TMPRSS15: variants seen among roughly 807,000 people sequenced by gnomAD.
TMPRSS15 encodes transmembrane serine protease 15, also known as enteropeptidase.
Under a neutral mutation model 125.3 loss-of-function variants are expected in TMPRSS15, and 128 were observed. The observed-to-expected ratio is 1.02, with a 90% CI of 0.89 to 1.18. The LOEUF (loss-of-function observed/expected upper bound fraction) is 1.18. Among genes scored for constraint, TMPRSS15 ranks in the 50% most tolerant of loss-of-function variants. The pLI is 0.00. For synonymous variants in TMPRSS15, 446 were observed against 423.2 expected (o/e 1.05, Z -0.66); for missense variants, 1,283 against 1,212.7 (o/e 1.06, Z -0.86).
chr21:18,465,073 G>A (rs2122955177), intron 1 of TMPRSS15, among the ~76,000 whole-genome samples: 49 of 152,104 alleles, frequency 3.2e-4, no homozygotes, highest in African/African-American at 9.2e-4. Flanking sequence ...TGATCAATTC[G>A]GCTTCATCCC....
chr21:18,343,815 T>C, intron 11 of TMPRSS15, 140 bp downstream of exon 11: 1 of 1,142,244 alleles, frequency 8.8e-7, no homozygotes, highest in Non-Finnish European at 1.3e-6. Flanking sequence ...CAATGTTTTA[T>C]TGCTTATCAG....
intron 10 of TMPRSS15, among the ~76,000 whole-genome samples, chr21:18,351,959 G>C (rs1233397896): frequency 6.6e-5 from 10 of 152,176 alleles, no homozygotes; most frequent in Non-Finnish European, 7.4e-5. Context: ...TAGAACCATA[G>C]CTGGTTAGAG....
At chr21:18,325,978 G>A (rs1480276668) in intron 16 of TMPRSS15, among the ~76,000 whole-genome samples, 1 of 151,886 alleles carries the variant, frequency 6.6e-6, no homozygotes, top group Non-Finnish European at 1.5e-5. Context: ...CTACACTGTG[G>A]TGCTTTACTC....
intron 1 of TMPRSS15, among the ~76,000 whole-genome samples, chr21:18,433,101 T>C (rs1217263839): frequency 6.6e-6 from 1 of 152,154 alleles, no homozygotes; most frequent in African/African-American, 2.4e-5. Flanking sequence ...ATGTTAATAC[T>C]AACTAGCAGC....
At chr21:18,466,446 A>G (rs570562744) in intron 1 of TMPRSS15, among the ~76,000 whole-genome samples, 2 of 138,816 alleles carry the variant, frequency 1.4e-5, no homozygotes, top group African/African-American at 3.0e-5. Flanking sequence ...TCTGCACAGC[A>G]AAAAAAAAAC....
chr21:18,326,594 T>A (rs377160330), intron 15 of TMPRSS15, 22 bp from the exon 16 acceptor site: 2 of 1,613,932 alleles, frequency 1.2e-6, no homozygotes, highest in African/African-American at 1.3e-5. Context: ...GAAAACGAGA[T>A]AATCAGTGAG....
chr21:18,311,500 C>A (rs1054457447), intron 18 of TMPRSS15, among the ~76,000 whole-genome samples: 1 of 152,256 alleles, frequency 6.6e-6, no homozygotes, highest in Admixed American at 6.5e-5. Context: ...CTCAACATCA[C>A]TAATTACTAG....
chr21:18,353,497 T>C (rs1335288899), intron 9 of TMPRSS15, among the ~76,000 whole-genome samples: 1 of 151,914 alleles, frequency 6.6e-6, no homozygotes, highest in Non-Finnish European at 1.5e-5. Flanking sequence ...TTTGATTTTA[T>C]AGTGATTTAT....
intron 6 of TMPRSS15, among the ~76,000 whole-genome samples, chr21:18,369,637 A>C (rs2075771992): frequency 1.3e-5 from 2 of 152,146 alleles, no homozygotes; most frequent in South Asian, 4.1e-4. Flanking sequence ...GGAGCAAAAA[A>C]ATAAATAAAT....
intron 23 of TMPRSS15, among the ~76,000 whole-genome samples, chr21:18,276,873 C>T (rs2074628693): frequency 6.6e-6 from 1 of 151,244 alleles, no homozygotes; most frequent in African/African-American, 2.4e-5. Context: ...GATTCTCCTG[C>T]CTCAGCCTCC....
In TMPRSS15 at chr21:18,478,767, G is replaced by A. The variant is rs1248285384; in HGVS notation, c.10+7032C>T. Among the ~76,000 whole-genome samples the A allele has an allele frequency of 3.3e-5, 5 of 151,978 alleles. No homozygotes were observed. In the East Asian group the frequency reaches 9.6e-4, roughly 29 times the overall value. ...TTGGAAAGAACATGTCAGAGGTGAA[G>A]CAATCTTCTCACATTTTATGAGGGA... On this transcript the variant is annotated intron_variant, in intron 1 of 7. Transcript: ENST00000422787.
rs532148912 is a variant in TMPRSS15 at position 18,387,055 on chromosome 21, C to T, written c.345-3277G>A. Among the ~76,000 whole-genome samples, 3 of 152,162 alleles carry T rather than the reference C, an allele frequency of 2.0e-5. No individual in the cohort carries two copies. In the East Asian group the frequency reaches 5.8e-4, roughly 29 times the overall value. On this transcript the variant is annotated intron_variant, in intron 3 of 24. Transcript: ENST00000284885. ...GGATAGGAGTTGCATATCCTATATC[C>T]ACATAAAGTTGTAGCCTTTAAAATT...
chr21:18,343,596 A>G lies in TMPRSS15; in HGVS notation c.1338T>C (p.Asn446=). The G allele has an allele frequency of 1.2e-6, 2 of 1,613,094 alleles. No individual in the cohort carries two copies. The highest frequency in any genetic ancestry group is 1.7e-6 in the Non-Finnish European group (2 of 1,179,236). The change falls in exon 12 of 25, where the codon AAT becomes AAC. Residue 446 remains asparagine, a synonymous_variant. Coordinates refer to ENST00000284885, the MANE Select transcript of TMPRSS15 (RefSeq NM_002772.3). ...KLSINISNDQ[N]MEKTVFQKEG... ...CCTTTTGGAAAACTGTCTTCTCCAT[A>G]TTTTGGTCATTGCTGATATTAATGC... is the stretch of plus-strand genomic sequence containing the variant.
rs2075149679 is a variant in TMPRSS15, at chr21:18,315,212, C to T, written c.1966G>A (p.Val656Ile). ...DHFQCKNGEC[V>I]PLVNLCDGHL... ...CCGTCACAGAGATTCACCAGTGGAA[C>T]ACACTCTCCATTTTTACATTGAAAA... Residue 656 changes from valine to isoleucine, a missense_variant, in exon 17 of 25, where the codon GTT (valine) becomes ATT (isoleucine). Transcript: ENST00000284885. 1.2e-6 allele frequency: 2 copies of T among 1,613,956 alleles called. No individual in the cohort carries two copies. Among genetic ancestry groups the T allele is most frequent in the East Asian group, 2.2e-5 (1 of 44,878 alleles).
At chr21:18,331,541 G>C (rs2075345652) in intron 14 of TMPRSS15, among the ~76,000 whole-genome samples, 1 of 152,096 alleles carries the variant, frequency 6.6e-6, no homozygotes, top group South Asian at 2.1e-4. Context: ...ATTTTTTAGT[G>C]ATCTTTCTTA....
At chr21:18,350,242 A>G (rs889619221) in intron 10 of TMPRSS15, among the ~76,000 whole-genome samples, 1 of 152,182 alleles carries the variant, frequency 6.6e-6, no homozygotes, top group Non-Finnish European at 1.5e-5. Flanking sequence ...TTATTCAAAG[A>G]AGATTAATTA....
chr21:18,315,049 G>C (rs969373605), intron 17 of TMPRSS15, 97 bp downstream of exon 17: 22 of 949,788 alleles, frequency 2.3e-5, no homozygotes, highest in Non-Finnish European at 3.5e-5. Context: ...CATCAAAACA[G>C]GTCCTAATAG....
chr21:18,387,824 G>C (rs2075958867), intron 3 of TMPRSS15, among the ~76,000 whole-genome samples: 1 of 151,970 alleles, frequency 6.6e-6, no homozygotes. Flanking sequence ...AATGTAAATA[G>C]GTATTTTAAA....
At chr21:18,479,283 A>G (rs992606072) in intron 1 of TMPRSS15, among the ~76,000 whole-genome samples, 2 of 152,032 alleles carry the variant, frequency 1.3e-5, no homozygotes, top group African/African-American at 4.8e-5. Context: ...ACATTCATAA[A>G]CAAATGCATA....
Sources: allele counts gnomAD v4.1 joint callset (sites outside exome capture counted in the v4.1 genomes callset), GRCh38; gene constraint gnomAD v4.1.1; transcripts MANE v1.5; gene names NCBI Gene and HGNC (gene_info 2026-07-23, HGNC 2026-07-21).